Variants in CPS1 observed in about 807,000 individuals in gnomAD.
The protein encoded by CPS1 is carbamoyl-phosphate synthase [ammonia], mitochondrial.
In CPS1, 109 loss-of-function variants were observed where a neutral mutation model predicts 174.6. That is an observed-to-expected ratio of 0.62 (90% CI 0.53 to 0.73). The LOEUF is 0.73. Ranked by LOEUF, CPS1 falls within the 30% of genes least tolerant of loss-of-function variation. The pLI, the probability that CPS1 is intolerant of heterozygous loss-of-function variation, is 0.00. For missense variants in CPS1, 1,689 were observed against 1,821.9 expected, an observed-to-expected ratio of 0.93 and a Z score of 1.33; for synonymous variants, 637 against 632.0, an observed-to-expected ratio of 1.01 and a Z score of -0.12.
At position 210,632,578 on chromosome 2, in the gene CPS1, G is replaced by T. The variant is rs983418312; in HGVS notation, c.2688-5124G>T. On this transcript the variant is annotated intron_variant, in intron 21 of 37. Coordinates refer to ENST00000233072, the MANE Select transcript of CPS1 (RefSeq NM_001875.5). The stretch of plus-strand genomic sequence containing the variant: ...AGAGGAAAGGTGAGGACAATACAGA[G>T]AATTGACCTGCTTCCATTAGGAGTA... Among the ~76,000 whole-genome samples, 4 of 152,216 alleles carry T rather than the reference G, an allele frequency of 2.6e-5. No homozygotes were observed. In the South Asian group the frequency reaches 8.3e-4, roughly 31 times the overall value.
chr2:210,562,722 T>TG (rs553615866), intron 1 of CPS1, among the ~76,000 whole-genome samples: 112 of 152,002 alleles, frequency 7.4e-4, no homozygotes, highest in African/African-American at 2.6e-3. Flanking sequence ...TTGGTGAAAA[T>TG]GGAAAAAAAA....
chr2:210,607,008 T>G lies in CPS1; in HGVS notation c.2192+67T>G, dbSNP rs1383438322. 4.2e-6 allele frequency: 6 copies of G among 1,430,604 alleles called. No individual in the cohort carries two copies. The African/African-American group carries it at 8.5e-5, about 20-fold the overall frequency. The allele number at this position is 1,430,604 out of a possible 1,614,324, so 88.6% of individuals were successfully genotyped here. On this transcript the variant is annotated intron_variant, in intron 18 of 37. Coordinates refer to ENST00000233072, the MANE Select transcript of CPS1 (RefSeq NM_001875.5). ...CAGATAGAAATGAAAAATTGACAGA[T>G]AGTGGAAGACTGTACTGCATTTACA...
intron 24 of CPS1, among the ~76,000 whole-genome samples, chr2:210,640,957 G>A (rs1700204384): frequency 6.6e-6 from 1 of 152,162 alleles, no homozygotes; most frequent in Non-Finnish European, 1.5e-5. Context: ...TAGGGGCTGG[G>A]AAGTCCAAAA....
chr2:210,578,353 A>C (rs1574546266), intron 4 of CPS1, among the ~76,000 whole-genome samples: 1 of 152,030 alleles, frequency 6.6e-6, no homozygotes, highest in African/African-American at 2.4e-5. Flanking sequence ...CATGTGATCC[A>C]CCCGACTCAG....
At chr2:210,563,125 T>C (rs982003085) in intron 1 of CPS1, among the ~76,000 whole-genome samples, 2 of 152,204 alleles carry the variant, frequency 1.3e-5, no homozygotes, top group African/African-American at 4.8e-5. Flanking sequence ...ATCTTTTTAA[T>C]TTGAAGTTTT....
chr2:210,667,016 G>T (rs1335392342), intron 33 of CPS1, among the ~76,000 whole-genome samples: 2 of 152,186 alleles, frequency 1.3e-5, no homozygotes, highest in Non-Finnish European at 2.9e-5. Context: ...GCTGTGGTTT[G>T]TAGTTCTCCT....
Position 210,660,568 on chromosome 2 carries a change from C to A in CPS1, c.3840C>A (p.Thr1280=). 1 of 1,614,050 alleles carries A rather than the reference C, an allele frequency of 6.2e-7. No homozygotes were observed. Among genetic ancestry groups the A allele is most frequent in the South Asian group, 1.1e-5 (1 of 91,080 alleles). Residue 1280 remains threonine, a synonymous_variant, in exon 32 of 38, where the codon ACC becomes ACA. Coordinates refer to ENST00000233072, the MANE Select transcript of CPS1 (RefSeq NM_001875.5). ...TLGVDFIDVA[T]KVMIGENVDE... ...GGGTTGACTTCATTGATGTGGCCAC[C>A]AAGGTGATGATTGGAGAGAATGTTG...
chr2:210,491,549 G>A (rs1255928541), intron 1 of CPS1, among the ~76,000 whole-genome samples: 3 of 151,992 alleles, frequency 2.0e-5, no homozygotes, highest in Non-Finnish European at 2.9e-5. Context: ...TCCTGACCTC[G>A]CGATCCGCCT....
intron 7 of CPS1, among the ~76,000 whole-genome samples, chr2:210,588,799 C>T (rs748518197): frequency 5.3e-5 from 8 of 152,010 alleles, no homozygotes; most frequent in African/African-American, 9.7e-5. Flanking sequence ...GACTCTTCAT[C>T]GTACCTCCTT....
intron 1 of CPS1, among the ~76,000 whole-genome samples, chr2:210,492,158 C>A (rs1663144299): frequency 6.6e-6 from 1 of 152,198 alleles, no homozygotes; most frequent in Admixed American, 6.5e-5. Flanking sequence ...CATTATATAA[C>A]ATTCATCATT....
chr2:210,637,383 G>A (rs1383755370), intron 21 of CPS1, among the ~76,000 whole-genome samples: 1 of 152,166 alleles, frequency 6.6e-6, no homozygotes, highest in East Asian at 1.9e-4. Context: ...TTTAGAGAGT[G>A]AGGTCTCTGA....
intron 8 of CPS1, 55 bp downstream of exon 8, chr2:210,590,289 C>T: frequency 6.2e-7 from 1 of 1,610,026 alleles, no homozygotes. Flanking sequence ...GGCTTCCGCT[C>T]TATACCCTCA....
chr2:210,478,919 C>T (rs1574453252), intron 1 of CPS1, among the ~76,000 whole-genome samples: 1 of 40,654 alleles, frequency 2.5e-5, no homozygotes, highest in African/African-American at 4.8e-5. Context: ...CTCCTCCCCC[C>T]TCCCCCCTTC....
chr2:210,625,434 A>C (rs1200555594), intron 21 of CPS1, among the ~76,000 whole-genome samples: 1 of 152,102 alleles, frequency 6.6e-6, no homozygotes, highest in African/African-American at 2.4e-5. Flanking sequence ...AACTTTACAC[A>C]TGTTATCTCA....
At chr2:210,570,142 T>G (rs1227789237) in intron 1 of CPS1, among the ~76,000 whole-genome samples, 1 of 151,972 alleles carries the variant, frequency 6.6e-6, no homozygotes, top group Non-Finnish European at 1.5e-5. Context: ...CCAGTGTAGT[T>G]AGGAGATATA....
intron 25 of CPS1, among the ~76,000 whole-genome samples, chr2:210,647,370 A>G (rs1700411720): frequency 6.6e-6 from 1 of 152,198 alleles, no homozygotes; most frequent in Admixed American, 6.5e-5. Context: ...CTGGGGGTCA[A>G]AAGTTTATGC....
Position 210,491,311 on chromosome 2 carries a change from T to G in CPS1, c.3+13545T>G, listed in dbSNP as rs1170746499. Among the ~76,000 whole-genome samples the G allele has an allele frequency of 2.6e-3, 87 of 34,110 alleles. 6 individuals carry two copies. Among genetic ancestry groups the G allele is most frequent in the South Asian group, 0.015 (9 of 614 alleles). The allele number at this position is 34,110 out of a possible 152,430, so 22.4% of individuals were successfully genotyped here. A position where few individuals can be genotyped will look rare whatever the true frequency, so the allele number is the denominator to read the frequency against. On this transcript the variant is annotated intron_variant, in intron 1 of 38. Coordinates refer to the CPS1 transcript ENST00000430249. The stretch of plus-strand genomic sequence containing the variant: ...AAGCATGTATTTGGTATCTGTGTTT[T>G]TTTTTTTTTTTTTTTTTTTTTTTTT...
intron 21 of CPS1, among the ~76,000 whole-genome samples, chr2:210,635,255 A>C (rs7587791): frequency 0.42 from 64,481 of 151,952 alleles, 14,754 homozygotes; most frequent in Middle Eastern, 0.57. Context: ...GTTGAACTTT[A>C]TTTATAGCTC....
rs571015451 is a variant in CPS1 at position 210,634,136 on chromosome 2, A to G, written c.2688-3566A>G. Among the ~76,000 whole-genome samples, 6 of 151,546 alleles carry G rather than the reference A, an allele frequency of 4.0e-5. 1 individual carries two copies. The South Asian group carries it at 1.2e-3, about 31-fold the overall frequency. On this transcript the variant is annotated intron_variant, in intron 21 of 37. Coordinates refer to ENST00000233072, the MANE Select transcript of CPS1 (RefSeq NM_001875.5). ...TTCTAAAACAAATAACAACAATAAC[A>G]AAAAAAAATCTTCGCCAGGCGCGGT...
Sources: gnomAD v4.1 joint callset for allele counts (sites outside exome capture counted in the v4.1 genomes callset) on GRCh38, gnomAD v4.1.1 for gene constraint, MANE v1.5 for transcripts, NCBI Gene and HGNC (gene_info 2026-07-23, HGNC 2026-07-21) for gene names.